KIF16B: variants seen among roughly 807,000 people sequenced by gnomAD.
The protein encoded by KIF16B is kinesin-like protein KIF16B.
KIF16B carries 98 observed loss-of-function variants against 156.3 expected under a neutral mutation model. The ratio of observed to expected loss-of-function variants is 0.63; its 90% CI spans 0.53 to 0.74. KIF16B has a LOEUF of 0.74. Among genes scored for constraint, KIF16B ranks in the 30% least tolerant of loss-of-function variants. KIF16B has a pLI of 0.00. For missense variants in KIF16B, 1,421 were observed against 1,606.5 expected (o/e 0.88, Z 1.97); for synonymous variants, 564 against 583.7 (o/e 0.97, Z 0.49).
chr20:16,431,913 TACACAC>T (rs74175693), intron 12 of KIF16B, among the ~76,000 whole-genome samples: 2 of 143,762 alleles, frequency 1.4e-5, no homozygotes, highest in African/African-American at 2.6e-5. Flanking sequence ...TGTATACGTA[TACACAC>T]ACACACACAC....
chr20:16,332,259 CTG>C (rs1431839701), intron 24 of KIF16B, among the ~76,000 whole-genome samples: 1 of 152,200 alleles, frequency 6.6e-6, no homozygotes, highest in African/African-American at 2.4e-5. Context: ...GTATCTGTCT[CTG>C]TAAAACAAGG....
At chr20:16,321,611 C>T (rs2063774050) in intron 24 of KIF16B, among the ~76,000 whole-genome samples, 1 of 152,052 alleles carries the variant, frequency 6.6e-6, no homozygotes, top group East Asian at 1.9e-4. Context: ...AGATATTTTA[C>T]CTATTATCTT....
intron 14 of KIF16B, among the ~76,000 whole-genome samples, chr20:16,427,468 A>C (rs1434577769): frequency 1.3e-5 from 2 of 152,124 alleles, no homozygotes; most frequent in African/African-American, 4.8e-5. Context: ...AGGGATCTGG[A>C]CATTACCTGT....
intron 23 of KIF16B, among the ~76,000 whole-genome samples, chr20:16,340,543 A>C (rs1033781365): frequency 6.6e-6 from 1 of 152,208 alleles, no homozygotes; most frequent in Non-Finnish European, 1.5e-5. Context: ...CCCCAGATGG[A>C]CTTGTCTTCA....
In KIF16B at chr20:16,414,658, C is replaced by T. The variant is rs574603253; in HGVS notation, c.1613-8202G>A. ...TGATTTGCCCAACTGTGTGCACAAACTGAGTTTGAAGCTTTGTAAAATTTC... is the reference window on the plus strand; with the variant it reads ...TGATTTGCCCAACTGTGTGCACAAATTGAGTTTGAAGCTTTGTAAAATTTC... On this transcript the variant is annotated intron_variant, in intron 15 of 25. Transcript: ENST00000354981. 2.0e-5 allele frequency among the ~76,000 whole-genome samples: 3 copies of T among 152,194 alleles called. No homozygotes were observed. In the South Asian group the frequency reaches 6.2e-4, roughly 32 times the overall value.
intron 2 of KIF16B, 43 bp downstream of exon 2, chr20:16,528,328 C>G: frequency 6.8e-7 from 1 of 1,463,320 alleles, no homozygotes; most frequent in South Asian, 1.1e-5. Context: ...GTAAAGCAAT[C>G]ATGGGGCTCT....
chr20:16,453,105 CA>C (rs35303077), intron 12 of KIF16B, among the ~76,000 whole-genome samples: 385 of 137,206 alleles, frequency 2.8e-3, no homozygotes, highest in African/African-American at 2.4e-3. Context: ...CTATCTTTAC[CA>C]AAAAAAAAAA....
At chr20:16,293,031 G>C (rs1303537903) in intron 25 of KIF16B, among the ~76,000 whole-genome samples, 1 of 152,120 alleles carries the variant, frequency 6.6e-6, no homozygotes, top group African/African-American at 2.4e-5. Flanking sequence ...GACAGAGATA[G>C]AAAATACAGG....
At chr20:16,477,238 A>G (rs1158407183) in intron 12 of KIF16B, among the ~76,000 whole-genome samples, 4 of 137,614 alleles carry the variant, frequency 2.9e-5, no homozygotes, top group African/African-American at 1.1e-4. Context: ...GAAGACAGTG[A>G]GGAGTTTAGC....
chr20:16,533,893 AC>A (rs2069849925), intron 1 of KIF16B, among the ~76,000 whole-genome samples: 1 of 152,228 alleles, frequency 6.6e-6, no homozygotes, highest in African/African-American at 2.4e-5. Flanking sequence ...AAGAAATTTC[AC>A]AAATAATTTC....
At chr20:16,414,605 A>G (rs1164698566) in intron 15 of KIF16B, among the ~76,000 whole-genome samples, 1 of 152,256 alleles carries the variant, frequency 6.6e-6, no homozygotes, top group Non-Finnish European at 1.5e-5. Context: ...TGGCTACTGA[A>G]GTTTCCAGCC....
intron 4 of KIF16B, among the ~76,000 whole-genome samples, chr20:16,514,885 C>CAAAAA (rs10564862): frequency 1.9e-3 from 115 of 60,726 alleles, no homozygotes; most frequent in African/African-American, 2.8e-3. Context: ...GATTCCATCT[C>CAAAAA]AAAAAAAAAA....
intron 24 of KIF16B, among the ~76,000 whole-genome samples, chr20:16,322,212 G>T (rs1488511697): frequency 1.3e-5 from 2 of 151,850 alleles, no homozygotes. Context: ...GCCAAAGCAA[G>T]ACTAAGTCAC....
At chr20:16,351,808 GGGGA>G (rs2064344357) in intron 23 of KIF16B, among the ~76,000 whole-genome samples, 1 of 152,202 alleles carries the variant, frequency 6.6e-6, no homozygotes, top group South Asian at 2.1e-4. Context: ...AAAACAAAGT[GGGGA>G]GAGGGGCGAC....
chr20:16,370,476 T>A lies in KIF16B; in HGVS notation c.3498+110A>T. ...TTGCCTTCCCTATTAGCCATTAATC[T>A]TGCCGGGACCTCAAAATTCTAATTA... On this transcript the variant is annotated intron_variant, in intron 22 of 25. Transcript: ENST00000354981. 3 of 804,856 alleles carry A rather than the reference T, an allele frequency of 3.7e-6. No homozygotes were observed. In the South Asian group the frequency reaches 6.5e-5, roughly 17 times the overall value. 49.9% of individuals were successfully genotyped at this position (804,856 alleles called of 1,614,324 possible). A position where few individuals can be genotyped will look rare whatever the true frequency, so the allele number is the denominator to read the frequency against.
chr20:16,512,738 C>G (rs1250729315), intron 5 of KIF16B, 88 bp downstream of exon 5: 2 of 824,968 alleles, frequency 2.4e-6, no homozygotes, highest in Admixed American at 3.9e-5. Flanking sequence ...AATCTAAAGA[C>G]CTTATCCATT....
At chr20:16,439,778 G>A (rs1427477984) in intron 12 of KIF16B, among the ~76,000 whole-genome samples, 1 of 152,116 alleles carries the variant, frequency 6.6e-6, no homozygotes, top group Non-Finnish European at 1.5e-5. Context: ...GCAGACAAAG[G>A]GAGAGCTTGT....
intron 24 of KIF16B, among the ~76,000 whole-genome samples, chr20:16,315,135 G>A (rs1400267560): frequency 6.6e-6 from 1 of 152,100 alleles, no homozygotes; most frequent in South Asian, 2.1e-4. Flanking sequence ...AAGCGGGGAG[G>A]GAGCAAGCAT....
intron 16 of KIF16B, 82 bp from the exon 17 acceptor site, chr20:16,404,983 G>A (rs754247385): frequency 4.4e-6 from 4 of 909,300 alleles, no homozygotes; most frequent in Non-Finnish European, 7.1e-6. Flanking sequence ...TCCAACATGT[G>A]AGAGACAATG....
Sources: allele counts gnomAD v4.1 joint callset (sites outside exome capture counted in the v4.1 genomes callset), GRCh38; gene constraint gnomAD v4.1.1; transcripts MANE v1.5; gene names NCBI Gene and HGNC (gene_info 2026-07-23, HGNC 2026-07-21).